FANCA: variants seen among roughly 807,000 people sequenced by gnomAD.
FANCA encodes FA complementation group A, also known as Fanconi anemia group A protein.
A neutral mutation model predicts 194.3 loss-of-function variants in FANCA; 236 were observed. That is an observed-to-expected ratio of 1.21 (90% confidence interval 1.09 to 1.35). The LOEUF (loss-of-function observed/expected upper bound fraction) is 1.35, where lower values mean the gene tolerates loss of function less well. Ranked by LOEUF, FANCA falls within the 40% of genes most tolerant of loss-of-function variation. FANCA has a pLI of 0.00. For synonymous variants in FANCA, 1,014 were observed against 715.8 expected (o/e 1.42, Z -6.65); for missense variants, 2,628 against 1,813.9 (o/e 1.45, Z -8.15).
chr16:89,749,428 T>C (rs909782955), intron 32 of FANCA, among the ~76,000 whole-genome samples: 1 of 152,254 alleles, frequency 6.6e-6, no homozygotes, highest in Non-Finnish European at 1.5e-5. Context: ...CGTTTCGCCA[T>C]GTTGGTCAGG....
chr16:89,764,044 C>G (rs1159797739), intron 28 of FANCA, among the ~76,000 whole-genome samples: 1 of 151,760 alleles, frequency 6.6e-6, no homozygotes, highest in Non-Finnish European at 1.5e-5. Flanking sequence ...GAGTTTAAGA[C>G]CAGCCTGGAC....
At chr16:89,806,829 AT>A (rs1212404595) in intron 6 of FANCA, among the ~76,000 whole-genome samples, 9 of 152,010 alleles carry the variant, frequency 5.9e-5, no homozygotes, top group South Asian at 2.1e-4. Flanking sequence ...TAAAACCGCC[AT>A]TGTCATCATG....
rs557153153 is a variant in FANCA, at chr16:89,797,512, G to C, written c.894-1494C>G. ...CTGCTGTCCTTCCTCACAGGGCAGG[G>C]CTTTGGGACACCACAGCCCCCAGTG... On this transcript the variant is annotated intron_variant, in intron 10 of 42. Transcript: ENST00000389301. Among the ~76,000 whole-genome samples the C allele has an allele frequency of 4.0e-4, 61 of 152,294 alleles. 1 individual carries two copies. The Middle Eastern group carries it at 0.014, about 34-fold the overall frequency.
intron 2 of FANCA, 117 bp downstream of exon 2, chr16:89,815,760 C>T: frequency 1.2e-6 from 1 of 846,344 alleles, no homozygotes; most frequent in Non-Finnish European, 2.0e-6. Flanking sequence ...CTCCCCTCTG[C>T]GGGCCAGGCC....
At chr16:89,762,247 T>C (rs1228773822) in intron 28 of FANCA, among the ~76,000 whole-genome samples, 1 of 151,806 alleles carries the variant, frequency 6.6e-6, no homozygotes, top group Non-Finnish European at 1.5e-5. Flanking sequence ...TAATCCTTCT[T>C]TCTAAGTATA....
At chr16:89,790,348 C>T (rs941391923) in intron 14 of FANCA, among the ~76,000 whole-genome samples, 3 of 148,624 alleles carry the variant, frequency 2.0e-5, no homozygotes, top group Non-Finnish European at 4.5e-5. Flanking sequence ...GAGCCGAGGT[C>T]GCACCAGTGC....
In FANCA at chr16:89,746,705, A is replaced by G. The variant is rs1182735475; in HGVS notation, c.3409-17T>C. Reference sequence around the variant, plus strand: ...CAGGAGGCCCTGCAGGAGAGAACGCAGCAGGAGGTCAGCGGTTTGTGAGGA... The same window carrying G: ...CAGGAGGCCCTGCAGGAGAGAACGCGGCAGGAGGTCAGCGGTTTGTGAGGA... On this transcript the variant is annotated splice_polypyrimidine_tract_variant and intron_variant, in intron 34 of 42. Coordinates refer to ENST00000389301, the MANE Select transcript of FANCA (RefSeq NM_000135.4). The G allele has an allele frequency of 3.1e-6, 5 of 1,611,688 alleles. No homozygotes were observed.
At chr16:89,794,674 G>C (rs2040184452) in intron 11 of FANCA, among the ~76,000 whole-genome samples, 1 of 152,206 alleles carries the variant, frequency 6.6e-6, no homozygotes, top group African/African-American at 2.4e-5. Context: ...GGAGCCATCT[G>C]TGTATCCCTC....
In FANCA at chr16:89,742,937, A is replaced by C. The variant is rs2062172419; in HGVS notation, c.3628T>G (p.Phe1210Val). The change falls in exon 37 of 43, where the codon TTC becomes GTC. Residue 1210 changes from phenylalanine to valine, a missense_variant and splice_region_variant. Coordinates refer to ENST00000389301, the MANE Select transcript of FANCA (RefSeq NM_000135.4). Reference protein sequence around the residue: ...LQEGRQFASDFLSPEAASPAP... With the variant: ...LQEGRQFASDVLSPEAASPAP... ...GGGGAGGCAGCCTCAGGGGAGAGGA[A>C]ACTGGGACAGAGAGAACGGGGTCAT... The C allele has an allele frequency of 6.2e-7, 1 of 1,613,730 alleles. No individual in the cohort carries two copies. The highest frequency in any genetic ancestry group is 1.7e-5 in the Admixed American group (1 of 59,972).
rs374672435 is a variant in FANCA at position 89,792,085 on chromosome 16, C to A, written c.1084-17G>T. 5 of 1,613,980 alleles carry A rather than the reference C, an allele frequency of 3.1e-6. No homozygotes were observed. On this transcript the variant is annotated splice_polypyrimidine_tract_variant and intron_variant, in intron 12 of 42. Transcript: ENST00000389301. ...CACAAAGAGCTGAAATAAAAGCATC[C>A]GCTCCCTTCAATATCCAAGCAAACC...
At chr16:89,808,588 T>G (rs541628429) in intron 5 of FANCA, among the ~76,000 whole-genome samples, 37 of 152,306 alleles carry the variant, frequency 2.4e-4, no homozygotes, top group Admixed American at 3.9e-4. Flanking sequence ...CACACACCGT[T>G]GCCCAACACT....
chr16:89,781,899 C>G (rs1287576718), intron 17 of FANCA, among the ~76,000 whole-genome samples: 2 of 91,224 alleles, frequency 2.2e-5, no homozygotes, highest in Non-Finnish European at 4.0e-5. Flanking sequence ...ATAGGCTACT[C>G]GGGAGGCTGA....
At chr16:89,791,258 GGAA>G in intron 14 of FANCA, 142 bp downstream of exon 14, 1 of 1,080,584 alleles carries the variant, frequency 9.3e-7, no homozygotes, top group African/African-American at 1.6e-5. Context: ...CACACGCAGA[GGAA>G]GATCTGCCAA....
chr16:89,780,944 A>T (rs1598131573), intron 17 of FANCA, among the ~76,000 whole-genome samples: 1 of 151,412 alleles, frequency 6.6e-6, no homozygotes, highest in East Asian at 1.9e-4. Context: ...AAAAAAAAAA[A>T]GTAATTTATA....
In FANCA at chr16:89,738,869, A is replaced by G; in HGVS notation, c.4260+13T>C. On this transcript the variant is annotated intron_variant, in intron 42 of 42. Transcript: ENST00000389301. ...GTCCCCCACATGGCCCAAGGTGGGC[A>G]TCTTGACGTTACCTCTGCCACGTGT... 1 of 1,614,254 alleles carries G rather than the reference A, an allele frequency of 6.2e-7. No homozygotes were observed.
At chr16:89,748,846 A>G (rs1328302264) in intron 32 of FANCA, 79 bp from the exon 33 acceptor site, 1 of 1,177,096 alleles carries the variant, frequency 8.5e-7, no homozygotes, top group Non-Finnish European at 1.2e-6. Flanking sequence ...CTCTCAGAGC[A>G]GCAACCACCA....
At position 89,740,864 on chromosome 16, in the gene FANCA, T is replaced by A. The variant is rs747616573; in HGVS notation, c.3768A>T (p.Leu1256=). 1 of 1,611,924 alleles carries A rather than the reference T, an allele frequency of 6.2e-7. No individual in the cohort carries two copies. Among genetic ancestry groups the A allele is most frequent in the Non-Finnish European group, 8.5e-7 (1 of 1,178,648 alleles). Reference sequence around the variant, plus strand: ...AGGAGAAGAAGAAAAGGAAAACCAATAGCTGTAAATAAAAACGTGCACTTA... The same window carrying A: ...AGGAGAAGAAGAAAAGGAAAACCAAAAGCTGTAAATAAAAACGTGCACTTA... ...LKKLDCEREE[L]LVFLFFFSLM... The change falls in exon 38 of 43, where the codon CTA becomes CTT. Residue 1256 remains leucine, a splice_region_variant and synonymous_variant. Coordinates refer to ENST00000389301, the MANE Select transcript of FANCA (RefSeq NM_000135.4).
intron 18 of FANCA, among the ~76,000 whole-genome samples, chr16:89,779,267 G>A (rs1011951957): frequency 6.6e-6 from 1 of 152,110 alleles, no homozygotes; most frequent in Non-Finnish European, 1.5e-5. Flanking sequence ...CTGAGGCCAC[G>A]AGGACCATGT....
intron 28 of FANCA, among the ~76,000 whole-genome samples, chr16:89,762,387 A>C (rs1026891428): frequency 3.0e-5 from 4 of 134,418 alleles, no homozygotes; most frequent in African/African-American, 7.5e-5. Flanking sequence ...TGAGCCTAGG[A>C]GTTTGACACC....
Sources: gnomAD v4.1 joint callset for allele counts (sites outside exome capture counted in the v4.1 genomes callset) on GRCh38, gnomAD v4.1.1 for gene constraint, MANE v1.5 for transcripts, NCBI Gene and HGNC (gene_info 2026-07-23, HGNC 2026-07-21) for gene names.